RPS6KA2: variants seen among roughly 807,000 people sequenced by gnomAD.
The protein encoded by RPS6KA2 is ribosomal protein S6 kinase A2, also known as ribosomal protein S6 kinase alpha-2.
In RPS6KA2, 42 loss-of-function variants were observed where a neutral mutation model predicts 91.8. That is an observed-to-expected ratio of 0.46 (90% CI 0.36 to 0.59). The LOEUF (loss-of-function observed/expected upper bound fraction) is 0.59. Ranked by LOEUF, RPS6KA2 falls within the 20% of genes least tolerant of loss-of-function variation. The pLI is 0.00. For missense variants in RPS6KA2, 798 were observed against 978.5 expected (o/e 0.82, Z 2.46); for synonymous variants, 414 against 393.6 (o/e 1.05, Z -0.61).
chr6:166,725,466 C>T (rs958366248), intron 2 of RPS6KA2, among the ~76,000 whole-genome samples: 5 of 152,250 alleles, frequency 3.3e-5, no homozygotes, highest in African/African-American at 7.2e-5. Flanking sequence ...CCCCTTCAGC[C>T]TCCTAGCCCA....
chr6:166,534,551 A>T (rs907805030), intron 2 of RPS6KA2, among the ~76,000 whole-genome samples: 2 of 152,204 alleles, frequency 1.3e-5, no homozygotes, highest in East Asian at 3.9e-4. Context: ...GCCCCATTCC[A>T]CTCAAGTCTG....
chr6:166,834,235 G>C (rs1207680642), intron 2 of RPS6KA2, among the ~76,000 whole-genome samples: 1 of 152,100 alleles, frequency 6.6e-6, no homozygotes, highest in African/African-American at 2.4e-5. Flanking sequence ...TACTCTAGTA[G>C]GCTTGTATCA....
At chr6:166,616,673 C>A (rs1173606049) in intron 1 of RPS6KA2, among the ~76,000 whole-genome samples, 8 of 152,240 alleles carry the variant, frequency 5.3e-5, no homozygotes, top group Admixed American at 3.9e-4. Context: ...CTCTGCCAGG[C>A]CAGAGCCCAG....
In RPS6KA2 at chr6:166,669,085, G is replaced by C. The variant is rs565297134; in HGVS notation, c.124-130301C>G. Among the ~76,000 whole-genome samples, 14 of 151,932 alleles carry C rather than the reference G, an allele frequency of 9.2e-5. No individual in the cohort carries two copies. In the South Asian group the frequency reaches 2.7e-3, roughly 29 times the overall value. ...TTTTTGTATTTTTTGGTTGAGACGG[G>C]GTTTCACCATGTTGCCCAGGCTGGT... On this transcript the variant is annotated intron_variant, in intron 2 of 21. Coordinates refer to the RPS6KA2 transcript ENST00000503859.
rs1790350107 is a variant in RPS6KA2 at position 166,726,721 on chromosome 6, A to C, written c.123+131479T>G. 6.6e-6 allele frequency among the ~76,000 whole-genome samples: 1 copy of C among 152,228 alleles called. No individual in the cohort carries two copies. Among genetic ancestry groups the C allele is most frequent in the South Asian group, 2.1e-4 (1 of 4,836 alleles). Reference sequence around the variant, plus strand: ...AGTGACTCTTACAACTTCAGTTGCGATACCGGTTTCCATAAGCTTCTGTGA... The same window carrying C: ...AGTGACTCTTACAACTTCAGTTGCGCTACCGGTTTCCATAAGCTTCTGTGA... On this transcript the variant is annotated intron_variant, in intron 2 of 21. Coordinates refer to the RPS6KA2 transcript ENST00000503859. The surrounding 1 kb of genome is among the most constrained non-coding windows in gnomAD (Gnocchi z 4.4).
intron 2 of RPS6KA2, chr6:166,701,173 T>C (rs886163447): frequency 6.2e-6 from 10 of 1,612,188 alleles, no homozygotes; most frequent in South Asian, 1.1e-5. Flanking sequence ...CAGAATTTCC[T>C]GAATTTTTCT....
intron 2 of RPS6KA2, chr6:166,700,958 G>A (rs1789497376): frequency 1.4e-6 from 1 of 698,196 alleles, no homozygotes; most frequent in South Asian, 1.7e-5. Context: ...TTCAAAAGTT[G>A]CCTGGTCCTC....
Position 166,469,865 on chromosome 6 carries a change from G to A in RPS6KA2, c.948C>T (p.Pro316=), listed in dbSNP as rs765905093. The part of the protein sequence containing the change: ...IDGVEEIKRH[P]FFVTIDWNTL... The stretch of plus-strand genomic sequence containing the variant: ...CGTTCCAGTCTATGGTCACAAAGAA[G>A]GGATGGCGCTTAATTTCCTCCACTC... The change falls in exon 11 of 21, where the codon CCC becomes CCT. Residue 316 remains proline (P), a synonymous_variant. Coordinates refer to ENST00000265678, the MANE Select transcript of RPS6KA2 (RefSeq NM_021135.6). 1 of 1,614,174 alleles carries A rather than the reference G, an allele frequency of 6.2e-7. No homozygotes were observed. Among genetic ancestry groups the A allele is most frequent in the South Asian group, 1.1e-5 (1 of 91,084 alleles).
chr6:166,640,295 G>C (rs370797529), intron 2 of RPS6KA2, among the ~76,000 whole-genome samples: 7 of 152,084 alleles, frequency 4.6e-5, no homozygotes, highest in South Asian at 2.1e-4. Flanking sequence ...ATCTTTGCTA[G>C]ATTTGTTTTA....
rs897399781 is a variant in RPS6KA2 at position 166,770,853 on chromosome 6, C to G, written c.123+87347G>C. 8 of 1,584,460 alleles carry G rather than the reference C, an allele frequency of 5.0e-6. No homozygotes were observed. In the Admixed American group the frequency reaches 1.4e-4, roughly 29 times the overall value. On this transcript the variant is annotated intron_variant, in intron 2 of 21. Coordinates refer to the RPS6KA2 transcript ENST00000503859. The surrounding 1 kb of genome is among the most constrained non-coding windows in gnomAD (Gnocchi z 5.1). ...ATGGAAAAAAACAAACCCACAGGAA[C>G]GCTTCTTACCTCTACGGATCCAGCT...
chr6:166,598,251 T>C (rs1785609327), intron 1 of RPS6KA2, among the ~76,000 whole-genome samples: 1 of 152,134 alleles, frequency 6.6e-6, no homozygotes, highest in South Asian at 2.1e-4. Context: ...TTTGATGCTT[T>C]CCCTCCCTGC....
In RPS6KA2 at chr6:166,412,757, A is replaced by G. The variant is rs773280385; in HGVS notation, c.*5T>C. On this transcript the variant is annotated 3_prime_UTR_variant, in exon 21 of 21. Coordinates refer to ENST00000265678, the MANE Select transcript of RPS6KA2 (RefSeq NM_021135.6). The surrounding 1 kb of genome is among the most constrained non-coding windows in gnomAD (Gnocchi z 4.3). ...CAGGGGACGCTGGGGCCAGGGTCCC[A>G]CCCGCTACAGCCGCGTGGACGTGAG... 81 of 1,589,702 alleles carry G rather than the reference A, an allele frequency of 5.1e-5. No individual in the cohort carries two copies. The Middle Eastern group carries it at 2.7e-3, about 53-fold the overall frequency.
chr6:166,805,093 G>T (rs765595459), intron 2 of RPS6KA2, among the ~76,000 whole-genome samples: 15 of 152,150 alleles, frequency 9.9e-5, no homozygotes, highest in Admixed American at 4.6e-4. Context: ...GAACTCTGGG[G>T]TCTATTGAAG....
At chr6:166,715,803 C>T (rs984548545) in intron 2 of RPS6KA2, among the ~76,000 whole-genome samples, 13 of 152,092 alleles carry the variant, frequency 8.5e-5, no homozygotes, top group African/African-American at 1.7e-4. Context: ...TTTGGGAGGC[C>T]GAGGCAGGCG....
chr6:166,774,959 A>C, intron 2 of RPS6KA2, among the ~76,000 whole-genome samples: 1 of 151,734 alleles, frequency 6.6e-6, no homozygotes, highest in Non-Finnish European at 1.5e-5. Flanking sequence ...TAGGGTTGGG[A>C]GGGCAGAGGA....
intron 1 of RPS6KA2, among the ~76,000 whole-genome samples, chr6:166,561,659 G>A (rs1288859178): frequency 2.0e-5 from 3 of 152,040 alleles, no homozygotes; most frequent in African/African-American, 4.8e-5. Context: ...TTGCTTTCAA[G>A]TTGTAGTCAC....
Position 166,468,722 on chromosome 6 carries a change from G to C in RPS6KA2, c.972+1119C>G, listed in dbSNP as rs189506968. Reference sequence around the variant, plus strand: ...ACTAAAAATATAAAAAAAATTAGCCGGGCGTGGTGGGGGCGCCTGTAATCC... The same window carrying C: ...ACTAAAAATATAAAAAAAATTAGCCCGGCGTGGTGGGGGCGCCTGTAATCC... On this transcript the variant is annotated intron_variant, in intron 11 of 20. Transcript: ENST00000265678. 2.6e-3 allele frequency among the ~76,000 whole-genome samples: 391 copies of C among 152,074 alleles called. 1 individual carries two copies. Among genetic ancestry groups the C allele is most frequent in the African/African-American group, 8.9e-3 (368 of 41,508 alleles).
At chr6:166,776,442 A>ATG (rs1454531261) in intron 2 of RPS6KA2, among the ~76,000 whole-genome samples, 3 of 152,266 alleles carry the variant, frequency 2.0e-5, no homozygotes, top group East Asian at 3.9e-4. Context: ...ATCGAGGTGA[A>ATG]TTTCACACAA....
chr6:166,506,217 G>T (rs1014902972), intron 5 of RPS6KA2, among the ~76,000 whole-genome samples: 3 of 152,202 alleles, frequency 2.0e-5, no homozygotes, highest in African/African-American at 7.2e-5. Flanking sequence ...CAGGTTCCCA[G>T]CAACTCCACG....
Sources: gnomAD v4.1 joint callset for allele counts (sites outside exome capture counted in the v4.1 genomes callset) on GRCh38, gnomAD v4.1.1 for gene constraint, Gnocchi (gnomAD v3.1) non-coding constraint, MANE v1.5 for transcripts, NCBI Gene and HGNC (gene_info 2026-07-23, HGNC 2026-07-21) for gene names.